COL6A5: variants seen among roughly 807,000 people sequenced by gnomAD.
The protein encoded by COL6A5 is collagen type VI alpha 5 chain.
In COL6A5, 48 loss-of-function variants were observed where a neutral mutation model predicts 65.6. The ratio of observed to expected loss-of-function variants is 0.73; its 90% confidence interval spans 0.58 to 0.93. The LOEUF (loss-of-function observed/expected upper bound fraction) is 0.93. Among genes scored for constraint, COL6A5 ranks in the 40% least tolerant of loss-of-function variants. COL6A5 has a pLI of 0.00. For missense variants in COL6A5, 914 were observed against 928.3 expected, an observed-to-expected ratio of 0.98 and a Z score of 0.20; for synonymous variants, 291 against 322.8, an observed-to-expected ratio of 0.90 and a Z score of 1.05.
exon 6 of COL6A5, chr3:130,469,329 T>A: frequency 6.2e-7 from 1 of 1,612,962 alleles, no homozygotes; most frequent in Non-Finnish European, 8.5e-7. Flanking sequence ...TCCATATTTG[T>A]GTTTTCCTTT....
At chr3:130,376,490 C>T (rs1161454875) in exon 3 of COL6A5, 6 of 1,605,594 alleles carry the variant, frequency 3.7e-6, no homozygotes, top group Non-Finnish European at 5.1e-6. Context: ...TTGGCGGGTC[C>T]CTGCAGATAG....
At chr3:130,345,877 C>G (rs116372003) in exon 1 of COL6A5, 2 of 398,434 alleles carry the variant, frequency 5.0e-6, no homozygotes, top group Admixed American at 4.4e-5. Context: ...CGCGGGCGCC[C>G]GAGAGGCGCG....
At chr3:130,431,510 A>G in exon 1 of COL6A5, 4 of 1,551,556 alleles carry the variant, frequency 2.6e-6, no homozygotes, top group South Asian at 1.2e-5. Context: ...GCTCTGGACA[A>G]TTCCTACGAT....
intron 7 of COL6A5, among the ~76,000 whole-genome samples, chr3:130,481,622 C>T (rs951149311): frequency 6.6e-6 from 1 of 152,186 alleles, no homozygotes; most frequent in African/African-American, 2.4e-5. Flanking sequence ...AATCGCCGCA[C>T]TGTCTTCCAC....
At chr3:130,427,058 T>C (rs1303532982), upstream of COL6A5, among the ~76,000 whole-genome samples, 1 of 152,204 alleles carries the variant, frequency 6.6e-6, no homozygotes, top group East Asian at 1.9e-4. Context: ...TGTTTACACT[T>C]ATAGAATAAT....
In COL6A5 at chr3:130,415,718, C is replaced by G; in HGVS notation, c.4824+11C>G. 1 of 1,543,894 alleles carries G rather than the reference C, an allele frequency of 6.5e-7. No individual in the cohort carries two copies. The highest frequency in any genetic ancestry group is 8.8e-7 in the Non-Finnish European group (1 of 1,142,202). On this transcript the variant is annotated intron_variant and NMD_transcript_variant, in intron 23 of 41. Coordinates refer to the COL6A5 transcript ENST00000312481. ...CAGAAAGGACCTCAGGTGAGTGACTCGGAGACATTAGGCTCAATGACTCTC... is the reference window on the plus strand; with the variant it reads ...CAGAAAGGACCTCAGGTGAGTGACTGGGAGACATTAGGCTCAATGACTCTC...
chr3:130,387,438 TGTGTTACATGGAAGAGAATCTTTCACAC>T (rs1936231352), intron 5 of COL6A5, among the ~76,000 whole-genome samples: 1 of 152,118 alleles, frequency 6.6e-6, no homozygotes, highest in African/African-American at 2.4e-5. Flanking sequence ...TTCTTTTATA[TGTGTTACATGGAAGAGAATCTTTCACAC>T]TTCACTACAG....
At chr3:130,413,085 CT>C (rs1937228707) in intron 20 of COL6A5, among the ~76,000 whole-genome samples, 1 of 152,046 alleles carries the variant, frequency 6.6e-6, no homozygotes, top group African/African-American at 2.4e-5. Flanking sequence ...AAGTTAGGAT[CT>C]GGGGCCTGAA....
intron 10 of COL6A5, among the ~76,000 whole-genome samples, chr3:130,400,135 A>T: frequency 6.6e-6 from 1 of 151,962 alleles, no homozygotes. Flanking sequence ...CTCCCCGGGT[A>T]CTCTCTCCAT....
At chr3:130,377,542 G>A (rs1038796300) in intron 3 of COL6A5, among the ~76,000 whole-genome samples, 13 of 152,348 alleles carry the variant, frequency 8.5e-5, no homozygotes, top group South Asian at 8.3e-4. Flanking sequence ...AAGAGGGGAT[G>A]CCCTCAGTGG....
chr3:130,399,573 G>A lies in COL6A5; in HGVS notation c.3992-1458G>A, dbSNP rs537151168. ...TTTTTAGTAGAGATGGGGTTTCACC[G>A]TGTTAGCCAGGATGGCCTGGATCTC... is the stretch of plus-strand genomic sequence containing the variant. On this transcript the variant is annotated intron_variant and NMD_transcript_variant, in intron 10 of 41. Coordinates refer to the COL6A5 transcript ENST00000312481. Among the ~76,000 whole-genome samples the A allele has an allele frequency of 5.3e-5, 8 of 151,592 alleles. No individual in the cohort carries two copies. In the South Asian group the frequency reaches 6.3e-4, roughly 12 times the overall value.
intron 25 of COL6A5, among the ~76,000 whole-genome samples, chr3:130,420,122 G>C (rs1266634891): frequency 7.7e-6 from 1 of 130,330 alleles, no homozygotes; most frequent in Non-Finnish European, 1.7e-5. Context: ...TTGAAAACAT[G>C]AATCTAAAAG....
intron 3 of COL6A5, among the ~76,000 whole-genome samples, chr3:130,442,807 A>G (rs1395044721): frequency 3.3e-5 from 5 of 152,224 alleles, no homozygotes; most frequent in African/African-American, 9.6e-5. Flanking sequence ...TTAGTATTTG[A>G]AAATGTGATT....
At chr3:130,431,857 T>A in exon 1 of COL6A5, 1 of 1,551,638 alleles carries the variant, frequency 6.4e-7, no homozygotes, top group Non-Finnish European at 8.7e-7. Context: ...CAGTAGGTCA[T>A]CCATCATCAC....
intron 1 of COL6A5, among the ~76,000 whole-genome samples, chr3:130,362,453 C>T (rs1237830684): frequency 6.6e-6 from 1 of 150,954 alleles, no homozygotes; most frequent in Non-Finnish European, 1.5e-5. Flanking sequence ...TGTATTTGTG[C>T]AGGTCTATTT....
At chr3:130,410,392 T>G in intron 19 of COL6A5, 79 bp from the exon 20 acceptor site, 1 of 1,003,910 alleles carries the variant, frequency 1.0e-6, no homozygotes, top group Non-Finnish European at 1.5e-6. Flanking sequence ...TAATAGTGCT[T>G]GAGGTTTTGA....
At chr3:130,411,339 T>C (rs575387407) in intron 20 of COL6A5, among the ~76,000 whole-genome samples, 1 of 152,246 alleles carries the variant, frequency 6.6e-6, no homozygotes, top group Non-Finnish European at 1.5e-5. Context: ...GATTTGGCTC[T>C]GAGTTTTGTT....
chr3:130,380,702 A>G (rs577803224), intron 4 of COL6A5, among the ~76,000 whole-genome samples: 1 of 152,144 alleles, frequency 6.6e-6, no homozygotes, highest in Non-Finnish European at 1.5e-5. Context: ...ATTCATTTTA[A>G]TAGCCAGGTG....
chr3:130,444,124 C>T (rs886550113), intron 4 of COL6A5, among the ~76,000 whole-genome samples: 4 of 152,108 alleles, frequency 2.6e-5, no homozygotes. Context: ...GGCTGTTTTC[C>T]ACCCGGCTCA....
Sources: gnomAD v4.1 joint callset for allele counts (sites outside exome capture counted in the v4.1 genomes callset) on GRCh38, gnomAD v4.1.1 for gene constraint, MANE v1.5 for transcripts, NCBI Gene and HGNC (gene_info 2026-07-23, HGNC 2026-07-21) for gene names.